The following NDE1 variants were observed in gnomAD, a reference collection of about 807,000 sequenced individuals.
NDE1 encodes nuclear distribution protein nudE homolog 1.
In NDE1, 28 loss-of-function variants were observed where a neutral mutation model predicts 43.4. The ratio of observed to expected loss-of-function variants is 0.65; its 90% CI spans 0.48 to 0.89. The LOEUF (loss-of-function observed/expected upper bound fraction) is 0.89, where lower values mean the gene tolerates loss of function less well. Ranked by LOEUF, NDE1 falls within the 40% of genes least tolerant of loss-of-function variation. NDE1 has a pLI of 0.00. For missense variants in NDE1, 441 were observed against 434.1 expected (o/e 1.02, Z -0.14); for synonymous variants, 184 against 172.0 (o/e 1.07, Z -0.55).
intron 8 of NDE1, among the ~76,000 whole-genome samples, chr16:15,723,863 A>C (rs1013550991): frequency 6.6e-6 from 1 of 152,238 alleles, no homozygotes; most frequent in Non-Finnish European, 1.5e-5. Context: ...GTGAATAAAT[A>C]AGCACCTCAT....
intron 1 of NDE1, among the ~76,000 whole-genome samples, chr16:15,658,626 A>G (rs1472782362): frequency 1.3e-5 from 2 of 152,164 alleles, no homozygotes; most frequent in Non-Finnish European, 2.9e-5. Context: ...CAAAACTACA[A>G]ATCATTAGCT....
chr16:15,687,087 G>T (rs1002542712), intron 4 of NDE1: 1 of 1,284,058 alleles, frequency 7.8e-7, no homozygotes, highest in African/African-American at 1.5e-5. Context: ...AATGCCACAT[G>T]CAGTCCTGAT....
At chr16:15,717,131 C>A (rs1391739007) in intron 8 of NDE1, 1 of 1,614,160 alleles carries the variant, frequency 6.2e-7, no homozygotes, top group Non-Finnish European at 8.5e-7. Flanking sequence ...GAACTCCACA[C>A]CCGCATACCT....
rs763555909 is a variant in NDE1, at chr16:15,677,834, C to G, written c.271C>G (p.Arg91Gly). 3 of 1,613,938 alleles carry G rather than the reference C, an allele frequency of 1.9e-6. No homozygotes were observed. The highest frequency in any genetic ancestry group is 2.5e-6 in the Non-Finnish European group (3 of 1,180,018). ...KFEVQHSEGY[R>G]QISALEDDLA... ...TGAAGTGCAGCACTCTGAAGGCTAC[C>G]GGCAGATCTCAGCCTTGGAGGATGA... Residue 91 changes from arginine (R) to glycine (G), a missense_variant, in exon 4 of 9, where the codon CGG (arginine) becomes GGG (glycine). Physicochemically the swap from Arg to Gly is moderately radical, Grantham distance 125 (BLOSUM62 -2). Coordinates refer to ENST00000396354, the MANE Select transcript of NDE1 (RefSeq NM_017668.3).
chr16:15,718,490 G>C (rs1567690324), intron 8 of NDE1: 2 of 1,536,008 alleles, frequency 1.3e-6, no homozygotes, highest in East Asian at 4.9e-5. Context: ...CGCCTTAAAA[G>C]ATGCCCCCTC....
At chr16:15,715,141 G>A in intron 8 of NDE1, 1 of 1,612,996 alleles carries the variant, frequency 6.2e-7, no homozygotes. Context: ...GGGGCTCGAG[G>A]GAGGCTGGGT....
Position 15,697,103 on chromosome 16 carries a change from C to T in NDE1, c.947+243C>T, listed in dbSNP as rs527746948. ...TCACTCTGTCACCTAGGCTAGAATACGATGGCAGGATCATGGCTCACCCTC... is the reference window on the plus strand; with the variant it reads ...TCACTCTGTCACCTAGGCTAGAATATGATGGCAGGATCATGGCTCACCCTC... On this transcript the variant is annotated intron_variant, in intron 8 of 8. Transcript: ENST00000396354. 6 of 971,018 alleles carry T rather than the reference C, an allele frequency of 6.2e-6. No homozygotes were observed. In the African/African-American group the frequency reaches 7.0e-5, roughly 11 times the overall value. 60.2% of individuals were successfully genotyped at this position (971,018 alleles called of 1,614,324 possible).
Position 15,700,792 on chromosome 16 carries a change from C to T in NDE1, c.947+3932C>T, listed in dbSNP as rs147989067. ...AGGTGTTTTTAATGTCCCAAGTCTCCGTAAATGTGGGATGGAGCTTCTCTC... is the reference window on the plus strand; with the variant it reads ...AGGTGTTTTTAATGTCCCAAGTCTCTGTAAATGTGGGATGGAGCTTCTCTC... On this transcript the variant is annotated intron_variant, in intron 8 of 8. Coordinates refer to ENST00000396354, the MANE Select transcript of NDE1 (RefSeq NM_017668.3). 4.2e-3 allele frequency among the ~76,000 whole-genome samples: 643 copies of T among 152,110 alleles called. 2 individuals are homozygous for T. Among genetic ancestry groups the T allele is most frequent in the Non-Finnish European group, 8.0e-3 (544 of 68,012 alleles).
At chr16:15,713,052 G>C (rs546672167) in intron 8 of NDE1, 1 of 151,624 alleles carries the variant, frequency 6.6e-6, no homozygotes, top group East Asian at 1.9e-4. Context: ...ACAGGGTTTC[G>C]GCATTCACAT....
chr16:15,694,073 C>A, intron 6 of NDE1, 92 bp from the exon 7 acceptor site: 1 of 1,425,104 alleles, frequency 7.0e-7, no homozygotes, highest in African/African-American at 1.4e-5. Flanking sequence ...CGTCAGTGTC[C>A]CTCCTGTCCC....
chr16:15,706,681 T>C (rs2039474298), intron 8 of NDE1, among the ~76,000 whole-genome samples: 1 of 150,210 alleles, frequency 6.7e-6, no homozygotes, highest in Non-Finnish European at 1.5e-5. Context: ...CACTCCAGCC[T>C]GGGAAACAGC....
intron 8 of NDE1, chr16:15,721,308 C>A (rs2040466500): frequency 2.4e-6 from 3 of 1,262,006 alleles, no homozygotes; most frequent in Non-Finnish European, 3.4e-6. Flanking sequence ...CCTTCCATTT[C>A]CGATGATAGT....
chr16:15,668,052 C>T (rs1461595844), intron 3 of NDE1, among the ~76,000 whole-genome samples: 1 of 151,530 alleles, frequency 6.6e-6, no homozygotes, highest in African/African-American at 2.4e-5. Context: ...GCACCCTGGA[C>T]GTCTCAGGTT....
chr16:15,655,921 T>C (rs1387569068), intron 1 of NDE1, among the ~76,000 whole-genome samples: 4 of 142,522 alleles, frequency 2.8e-5, no homozygotes, highest in African/African-American at 5.2e-5. Flanking sequence ...TAGGTGGGAA[T>C]TGAACAACGA....
intron 8 of NDE1, among the ~76,000 whole-genome samples, chr16:15,698,895 C>G (rs535148045): frequency 6.6e-6 from 1 of 151,744 alleles, no homozygotes; most frequent in Admixed American, 6.6e-5. Flanking sequence ...TGTTTGTTTT[C>G]TTTCTACGAG....
At chr16:15,675,492 A>G (rs1164959911) in intron 3 of NDE1, among the ~76,000 whole-genome samples, 1 of 148,856 alleles carries the variant, frequency 6.7e-6, no homozygotes, top group Admixed American at 6.8e-5. Flanking sequence ...GCGGGAGTGC[A>G]GCGGCGTGAT....
At chr16:15,687,977 C>G (rs1259469583) in intron 5 of NDE1, among the ~76,000 whole-genome samples, 7 of 151,872 alleles carry the variant, frequency 4.6e-5, no homozygotes, top group African/African-American at 1.7e-4. Flanking sequence ...GAGTTTGAGA[C>G]CAGCCTGGGC....
intron 8 of NDE1, chr16:15,703,211 C>T (rs2039279970): frequency 4.8e-6 from 1 of 208,348 alleles, no homozygotes; most frequent in Non-Finnish European, 9.8e-6. Context: ...ATTCCTGCTC[C>T]CCTCCGTGGG....
At chr16:15,685,021 G>A (rs938355164) in intron 4 of NDE1, among the ~76,000 whole-genome samples, 6 of 152,184 alleles carry the variant, frequency 3.9e-5, no homozygotes, top group Admixed American at 1.3e-4. Flanking sequence ...CAGTAGAAAC[G>A]TATTAAGACA....
Sources: gnomAD v4.1 joint callset for allele counts (sites outside exome capture counted in the v4.1 genomes callset) on GRCh38, gnomAD v4.1.1 for gene constraint, MANE v1.5 for transcripts, NCBI Gene and HGNC (gene_info 2026-07-23, HGNC 2026-07-21) for gene names.